Variants in PCNT observed in about 807,000 individuals in gnomAD.
The protein encoded by PCNT is kendrin.
PCNT carries 319 observed loss-of-function variants against 380.4 expected under a neutral mutation model. The observed-to-expected ratio is 0.84, with a 90% CI of 0.77 to 0.92. The LOEUF is 0.92. PCNT is among the 40% of genes least tolerant of loss of function. The pLI is 0.00. For synonymous variants in PCNT, 1,845 were observed against 1,735.2 expected (o/e 1.06, Z -1.57); for missense variants, 4,400 against 4,255.3 (o/e 1.03, Z -0.95).
intron 15 of PCNT, among the ~76,000 whole-genome samples, chr21:46,370,074 G>A (rs950484529): frequency 4.6e-5 from 7 of 152,210 alleles, no homozygotes; most frequent in Admixed American, 2.0e-4. Context: ...TCTCTGCCCT[G>A]AGTCTTCATC....
intron 1 of PCNT, among the ~76,000 whole-genome samples, chr21:46,325,812 G>A (rs2083375612): frequency 6.6e-6 from 1 of 152,194 alleles, no homozygotes; most frequent in African/African-American, 2.4e-5. Flanking sequence ...TCTGATGGGC[G>A]ATGCTCTGTG....
chr21:46,367,225 C>A, intron 15 of PCNT, 86 bp downstream of exon 15: 1 of 1,167,882 alleles, frequency 8.6e-7, no homozygotes, highest in South Asian at 1.3e-5. Context: ...TGTCTGCGTG[C>A]GTGCTGTGTG....
intron 27 of PCNT, among the ~76,000 whole-genome samples, chr21:46,404,596 G>A (rs999712199): frequency 1.5e-4 from 22 of 145,532 alleles, no homozygotes; most frequent in African/African-American, 5.5e-4. Flanking sequence ...CTGGGGCCTT[G>A]GCTTTCCAGG....
At chr21:46,382,806 GCATT>G (rs766702835) in intron 16 of PCNT, among the ~76,000 whole-genome samples, 1 of 121,920 alleles carries the variant, frequency 8.2e-6, no homozygotes, top group Non-Finnish European at 1.6e-5. Flanking sequence ...TTCACGGTGT[GCATT>G]CAGTGGCGGA....
intron 17 of PCNT, among the ~76,000 whole-genome samples, chr21:46,387,087 G>A (rs2085864801): frequency 1.3e-5 from 2 of 152,214 alleles, no homozygotes; most frequent in Admixed American, 1.3e-4. Flanking sequence ...GTGTCCTGAA[G>A]CTCTGAACTG....
At chr21:46,421,838 C>A in intron 31 of PCNT, 132 bp from the exon 32 acceptor site, 1 of 1,002,912 alleles carries the variant, frequency 1.0e-6, no homozygotes, top group East Asian at 2.4e-5. Flanking sequence ...GTGTTTTCTC[C>A]GTGAGCAGAA....
chr21:46,443,981 C>T (rs767801121), intron 45 of PCNT, 33 bp downstream of exon 45: 3 of 1,602,856 alleles, frequency 1.9e-6, no homozygotes, highest in South Asian at 1.1e-5. Context: ...CCGTCTCCTG[C>T]CAGGGCTCTC....
chr21:46,336,037 C>T (rs1302115532), intron 3 of PCNT, among the ~76,000 whole-genome samples: 2 of 147,302 alleles, frequency 1.4e-5, no homozygotes, highest in African/African-American at 2.5e-5. Flanking sequence ...AGTGCAGTGG[C>T]GCGATCTCGG....
intron 11 of PCNT, 27 bp downstream of exon 11, chr21:46,354,095 G>T (rs1175822829): frequency 6.3e-7 from 1 of 1,594,374 alleles, no homozygotes; most frequent in South Asian, 1.1e-5. Context: ...TGAGAAGTGG[G>T]GGAGTCCTGT....
chr21:46,370,912 G>A (rs951484905), intron 15 of PCNT, among the ~76,000 whole-genome samples: 39 of 152,200 alleles, frequency 2.6e-4, no homozygotes, highest in Non-Finnish European at 1.2e-4. Flanking sequence ...GTGGGCGCCT[G>A]TAGTCCCAGC....
chr21:46,353,869 C>T lies in PCNT; in HGVS notation c.1680-118C>T, dbSNP rs1030828712. On this transcript the variant is annotated intron_variant, in intron 10 of 46. Coordinates refer to ENST00000359568, the MANE Select transcript of PCNT (RefSeq NM_006031.6). ...TCCCCGCACATGGACATTGCCCGTCCTTGACTGGAAGCACGAGGAGGCGCC... is the reference window on the plus strand; with the variant it reads ...TCCCCGCACATGGACATTGCCCGTCTTTGACTGGAAGCACGAGGAGGCGCC... 5 of 865,396 alleles carry T rather than the reference C, an allele frequency of 5.8e-6. No individual in the cohort carries two copies. The African/African-American group carries it at 6.7e-5, about 12-fold the overall frequency. The allele number at this position is 865,396 out of a possible 1,614,324, so 53.6% of individuals were successfully genotyped here.
chr21:46,351,290 G>A, intron 8 of PCNT, 139 bp from the exon 9 acceptor site: 1 of 710,928 alleles, frequency 1.4e-6, no homozygotes, highest in East Asian at 2.6e-5. Flanking sequence ...GCTGTGGCTG[G>A]CTTTCTCCGA....
In PCNT at chr21:46,399,794, C is replaced by G. The variant is rs1218300864; in HGVS notation, c.4789C>G (p.Gln1597Glu). 1 of 1,613,634 alleles carries G rather than the reference C, an allele frequency of 6.2e-7. No homozygotes were observed. Among genetic ancestry groups the G allele is most frequent in the Non-Finnish European group, 8.5e-7 (1 of 1,179,596 alleles). ...KQKNIVKGLE[Q>E]DKEVLKKQQM... ...GAAAAACATCGTGAAAGGGCTGGAA[C>G]AGGTAAAGCGTCTCCATGTTGTGGT... The change falls in exon 25 of 47, where the codon CAG (glutamine) becomes GAG (glutamate). Residue 1597 changes from glutamine to glutamate, a missense_variant and splice_region_variant. Transcript: ENST00000359568.
chr21:46,349,989 C>T (rs2084207584), intron 8 of PCNT, among the ~76,000 whole-genome samples, 169 bp downstream of exon 8: 1 of 151,948 alleles, frequency 6.6e-6, no homozygotes, highest in South Asian at 2.1e-4. Context: ...TTTGGGAGGC[C>T]AAGGTGGGCA....
chr21:46,389,900 C>T (rs1220795418), intron 19 of PCNT, among the ~76,000 whole-genome samples: 1 of 152,214 alleles, frequency 6.6e-6, no homozygotes, highest in Non-Finnish European at 1.5e-5. Context: ...CATCTTGTAG[C>T]TCTGGCGCTG....
At chr21:46,356,942 C>G in intron 12 of PCNT, 32 bp from the exon 13 acceptor site, 2 of 1,600,946 alleles carry the variant, frequency 1.2e-6, no homozygotes, top group Non-Finnish European at 1.7e-6. Flanking sequence ...CGGCACCGGC[C>G]TGACTGTCTT....
intron 3 of PCNT, 22 bp from the exon 4 acceptor site, chr21:46,346,106 A>C: frequency 1.2e-6 from 2 of 1,611,646 alleles, no homozygotes; most frequent in Non-Finnish European, 8.5e-7. Context: ...CTGGACCTAC[A>C]TTCTTTGCCT....
In PCNT at chr21:46,401,603, C is replaced by T. The variant is rs139581644; in HGVS notation, c.4844C>T (p.Thr1615Met). ...QQMSSLLLAS[T>M]LQSTLDAGRC... ...ATGAGTAGCTTGCTTCTGGCGTCCA[C>T]GTTGCAGTCTACACTAGATGCAGGC... The change falls in exon 26 of 47, where the codon ACG (threonine) becomes ATG (methionine). Residue 1615 changes from threonine (T) to methionine (M), a missense_variant. By Grantham distance (81) the Thr-to-Met change is moderately conservative (BLOSUM62 -1). Coordinates refer to ENST00000359568, the MANE Select transcript of PCNT (RefSeq NM_006031.6). 1.5e-4 allele frequency: 249 copies of T among 1,613,928 alleles called. No individual in the cohort carries two copies. The African/African-American group carries it at 2.9e-3, about 19-fold the overall frequency.
intron 21 of PCNT, among the ~76,000 whole-genome samples, chr21:46,392,916 G>A (rs1046088873): frequency 1.3e-5 from 2 of 152,110 alleles, no homozygotes; most frequent in Non-Finnish European, 2.9e-5. Context: ...TTAATACTCT[G>A]TTTTAGTTGT....
Sources: gnomAD v4.1 joint callset for allele counts (sites outside exome capture counted in the v4.1 genomes callset) on GRCh38, gnomAD v4.1.1 for gene constraint, MANE v1.5 for transcripts, NCBI Gene and HGNC (gene_info 2026-07-23, HGNC 2026-07-21) for gene names.